The following NAALADL2 variants were observed in gnomAD, a reference collection of about 807,000 sequenced individuals.
NAALADL2 encodes the protein N-acetylated alpha-linked acidic dipeptidase like 2, also known as inactive N-acetylated-alpha-linked acidic dipeptidase-like protein 2.
A neutral mutation model predicts 87.2 loss-of-function variants in NAALADL2; 76 were observed. That is an observed-to-expected ratio of 0.87 (90% confidence interval 0.72 to 1.05). The LOEUF (loss-of-function observed/expected upper bound fraction) is 1.05. Among genes scored for constraint, NAALADL2 ranks in the 50% least tolerant of loss-of-function variants. The pLI is 0.00. For missense variants in NAALADL2, 1,089 were observed against 945.8 expected, an observed-to-expected ratio of 1.15 and a Z score of -1.99; for synonymous variants, 354 against 331.0, an observed-to-expected ratio of 1.07 and a Z score of -0.75.
chr3:175,605,645 T>TTTTTTTTTG (rs1553931392), intron 10 of NAALADL2, among the ~76,000 whole-genome samples: 5,593 of 32,956 alleles, frequency 0.17, 321 homozygotes, highest in African/African-American at 0.26. Context: ...TGCTTGTTTT[T>TTTTTTTTTG]TTTTTTTTTT....
chr3:175,660,120 C>CT (rs1267959978), intron 11 of NAALADL2, among the ~76,000 whole-genome samples: 2 of 152,180 alleles, frequency 1.3e-5, no homozygotes, highest in East Asian at 3.9e-4. Context: ...CTCTAGGCCT[C>CT]TTTTATAAGG....
chr3:174,753,157 G>A (rs1309289337), intron 3 of NAALADL2, among the ~76,000 whole-genome samples: 1 of 151,824 alleles, frequency 6.6e-6, no homozygotes, highest in African/African-American at 2.4e-5. Flanking sequence ...AGGTTGAAGT[G>A]CAGTGGCTTC....
At chr3:175,206,276 CTGTG>C (rs143468615) in intron 2 of NAALADL2, among the ~76,000 whole-genome samples, 60,810 of 110,148 alleles carry the variant, frequency 0.55, 17,197 homozygotes, top group Admixed American at 0.64. Context: ...TTTTTTTTCA[CTGTG>C]TGTGTGTATG....
chr3:174,574,813 AT>A (rs549602491), intron 2 of NAALADL2, among the ~76,000 whole-genome samples: 7 of 151,930 alleles, frequency 4.6e-5, no homozygotes, highest in Admixed American at 3.3e-4. Context: ...ACTCAGTGTA[AT>A]TTTTTTTGAG....
chr3:175,739,593 T>G (rs1050043294), intron 12 of NAALADL2, among the ~76,000 whole-genome samples: 2 of 152,142 alleles, frequency 1.3e-5, no homozygotes, highest in African/African-American at 4.8e-5. Context: ...ATACAAAAAT[T>G]TTTGCATGTA....
At chr3:174,831,007 G>A (rs985361213) in intron 3 of NAALADL2, among the ~76,000 whole-genome samples, 1 of 150,546 alleles carries the variant, frequency 6.6e-6, no homozygotes, top group East Asian at 1.9e-4. Flanking sequence ...GAGATTTTGG[G>A]CTGAGACAAT....
intron 6 of NAALADL2, among the ~76,000 whole-genome samples, chr3:175,460,644 T>A (rs62285194): frequency 0.081 from 12,352 of 152,148 alleles, 575 homozygotes; most frequent in Middle Eastern, 0.14. Flanking sequence ...AAAAATAAAG[T>A]AAAATATAAC....
intron 1 of NAALADL2, among the ~76,000 whole-genome samples, chr3:174,890,454 G>C (rs1270162609): frequency 2.6e-5 from 4 of 152,146 alleles, no homozygotes; most frequent in Non-Finnish European, 5.9e-5. Context: ...GAAATATTTT[G>C]ATTGGGGAAG....
intron 2 of NAALADL2, among the ~76,000 whole-genome samples, chr3:175,181,608 C>A (rs1370912028): frequency 6.7e-6 from 1 of 149,956 alleles, no homozygotes; most frequent in African/African-American, 2.5e-5. Context: ...AGCATGTCTT[C>A]CAGGTTCATC....
intron 9 of NAALADL2, among the ~76,000 whole-genome samples, chr3:175,503,212 G>A (rs1228232540): frequency 6.6e-6 from 1 of 152,076 alleles, no homozygotes; most frequent in Non-Finnish European, 1.5e-5. Flanking sequence ...AATTTGCATA[G>A]GTTAATGGCC....
At chr3:175,533,702 C>T (rs868107898) in intron 9 of NAALADL2, among the ~76,000 whole-genome samples, 3 of 152,186 alleles carry the variant, frequency 2.0e-5, no homozygotes, top group Non-Finnish European at 4.4e-5. Context: ...CGAGGCTGTG[C>T]GTGCACCTTT....
chr3:175,302,434 A>G (rs911250452), intron 4 of NAALADL2, among the ~76,000 whole-genome samples: 2 of 152,210 alleles, frequency 1.3e-5, no homozygotes, highest in African/African-American at 4.8e-5. Context: ...CTGGCACTCT[A>G]GTAAACTTTT....
chr3:174,982,918 C>A (rs1745312537), intron 1 of NAALADL2, among the ~76,000 whole-genome samples: 3 of 152,176 alleles, frequency 2.0e-5, no homozygotes, highest in Admixed American at 2.0e-4. Flanking sequence ...CTGCCTCAGC[C>A]TCCTGAGTAG....
chr3:175,599,031 G>C (rs1474552676), intron 10 of NAALADL2, among the ~76,000 whole-genome samples: 2 of 152,064 alleles, frequency 1.3e-5, no homozygotes, highest in African/African-American at 4.8e-5. Flanking sequence ...GTGTTACTTA[G>C]CGCCTTGGAA....
At chr3:174,876,152 C>T (rs1728479522) in intron 1 of NAALADL2, among the ~76,000 whole-genome samples, 1 of 152,034 alleles carries the variant, frequency 6.6e-6, no homozygotes, top group Non-Finnish European at 1.5e-5. Flanking sequence ...CAGCATAATA[C>T]ATTCTGCACA....
intron 11 of NAALADL2, among the ~76,000 whole-genome samples, chr3:175,722,429 G>A (rs1304365671): frequency 6.6e-6 from 1 of 152,096 alleles, no homozygotes; most frequent in Non-Finnish European, 1.5e-5. Flanking sequence ...ATCTGCCTAA[G>A]TAAATGAGGT....
chr3:175,497,485 A>T (rs575196365), intron 9 of NAALADL2, among the ~76,000 whole-genome samples: 1 of 152,192 alleles, frequency 6.6e-6, no homozygotes, highest in Non-Finnish European at 1.5e-5. Context: ...GCAATCATTC[A>T]TATAAAATTT....
At chr3:174,633,895 A>T (rs1185711020) in intron 2 of NAALADL2, among the ~76,000 whole-genome samples, 1 of 152,214 alleles carries the variant, frequency 6.6e-6, no homozygotes, top group African/African-American at 2.4e-5. Context: ...CTTGGAGCTA[A>T]GATGCTCTGC....
At chr3:175,050,004 G>A (rs1165359012) in intron 1 of NAALADL2, among the ~76,000 whole-genome samples, 1 of 152,158 alleles carries the variant, frequency 6.6e-6, no homozygotes, top group Admixed American at 6.5e-5. Context: ...GTCTGCGTGG[G>A]TTTTCTCCAG....
Sources: allele counts gnomAD v4.1 joint callset (sites outside exome capture counted in the v4.1 genomes callset), GRCh38; gene constraint gnomAD v4.1.1; transcripts MANE v1.5; gene names NCBI Gene and HGNC (gene_info 2026-07-23, HGNC 2026-07-21).